The following CDCA8 variants were observed in gnomAD, a reference collection of about 807,000 sequenced individuals.
CDCA8 encodes cell division cycle associated 8, also known as borealin.
Under a neutral mutation model 40.0 loss-of-function variants are expected in CDCA8, and 25 were observed. The observed-to-expected ratio is 0.63, with a 90% CI of 0.46 to 0.87. The LOEUF (loss-of-function observed/expected upper bound fraction) is 0.87, where lower values mean the gene tolerates loss of function less well. Ranked by LOEUF, CDCA8 falls within the 40% of genes least tolerant of loss-of-function variation. The pLI, the probability that CDCA8 is intolerant of heterozygous loss-of-function variation, is 0.00. For missense variants in CDCA8, 280 were observed against 348.4 expected (o/e 0.80, Z 1.56); for synonymous variants, 111 against 126.5 (o/e 0.88, Z 0.82).
At chr1:37,698,157 T>C (rs1645539792) in intron 3 of CDCA8, among the ~76,000 whole-genome samples, 1 of 152,228 alleles carries the variant, frequency 6.6e-6, no homozygotes, top group African/African-American at 2.4e-5. Flanking sequence ...CCAAGTGTTG[T>C]AGAGGATGTA....
In CDCA8 at chr1:37,701,689, A is replaced by AAAC. The variant is rs527695278; in HGVS notation, c.424-65_424-64insAAC. The stretch of plus-strand genomic sequence containing the variant: ...TTAATGCTTTAAAAAAAAAAAAAAA[A>AAAC]CCCTCCTTACCTTCCTCTTTGCTGG... On this transcript the variant is annotated intron_variant, in intron 5 of 9. Transcript: ENST00000373055. 370 of 964,130 alleles carry AAAC rather than the reference A, an allele frequency of 3.8e-4. 1 individual carries two copies. The highest frequency in any genetic ancestry group is 4.9e-4 in the South Asian group (32 of 65,358). 59.7% of individuals were successfully genotyped at this position (964,130 alleles called of 1,614,324 possible). A position where few individuals can be genotyped will look rare whatever the true frequency, so the allele number is the denominator to read the frequency against.
At chr1:37,694,991 T>A (rs1202053061) in intron 2 of CDCA8, among the ~76,000 whole-genome samples, 2 of 152,132 alleles carry the variant, frequency 1.3e-5, no homozygotes, top group African/African-American at 4.8e-5. Flanking sequence ...TTAAACAGCT[T>A]TGAGTAGTTA....
intron 6 of CDCA8, 58 bp downstream of exon 6, chr1:37,701,876 A>C: frequency 1.5e-6 from 2 of 1,334,418 alleles, no homozygotes; most frequent in Non-Finnish European, 2.2e-6. Flanking sequence ...CATATATATC[A>C]TGGCAGAAAG....
In CDCA8 at chr1:37,709,624, T is replaced by C. The variant is rs528999379; in HGVS notation, c.*1258T>C. On this transcript the variant is annotated 3_prime_UTR_variant, in exon 10 of 10. Coordinates refer to ENST00000373055, the MANE Select transcript of CDCA8 (RefSeq NM_001256875.2). Reference sequence around the variant, plus strand: ...TTCTCCTTTCCCTGAGATTTTTGTATATATTGTTCTGAGTAATGGTATCTT... The same window carrying C: ...TTCTCCTTTCCCTGAGATTTTTGTACATATTGTTCTGAGTAATGGTATCTT... 5.9e-5 allele frequency: 9 copies of C among 152,312 alleles called. No homozygotes were observed. The highest frequency in any genetic ancestry group is 2.2e-4 in the African/African-American group (9 of 41,564). The allele number at this position is 152,312 out of a possible 1,614,324, so 9.4% of individuals were successfully genotyped here. A position where few individuals can be genotyped will look rare whatever the true frequency, so the allele number is the denominator to read the frequency against.
At chr1:37,699,222 G>A (rs910698500) in intron 4 of CDCA8, among the ~76,000 whole-genome samples, 13 of 152,034 alleles carry the variant, frequency 8.6e-5, no homozygotes, top group African/African-American at 1.5e-4. Context: ...CTCAAGACCC[G>A]TGTGCGAGCT....
Position 37,692,671 on chromosome 1 carries a change from C to T in CDCA8, c.-20C>T, listed in dbSNP as rs1645475959. 6.2e-7 allele frequency: 1 copy of T among 1,605,516 alleles called. No homozygotes were observed. The highest frequency in any genetic ancestry group is 8.5e-7 in the Non-Finnish European group (1 of 1,174,592). ...TCCCTGCCCCATCTCCGCCGCTCCC[C>T]GCAGCCTCCGCCGAGCGCCATGGCT... On this transcript the variant is annotated 5_prime_UTR_variant, in exon 1 of 10. Coordinates refer to ENST00000373055, the MANE Select transcript of CDCA8 (RefSeq NM_001256875.2).
At chr1:37,703,152 G>C in intron 6 of CDCA8, 100 bp from the exon 7 acceptor site, 2 of 903,678 alleles carry the variant, frequency 2.2e-6, no homozygotes, top group Non-Finnish European at 3.7e-6. Flanking sequence ...GAGGCGCCCG[G>C]AGCAGTATCT....
chr1:37,692,942 G>A lies in CDCA8; in HGVS notation c.132G>A (p.Gln44=). 1.1e-5 allele frequency: 17 copies of A among 1,614,116 alleles called. No individual in the cohort carries two copies. Among genetic ancestry groups the A allele is most frequent in the Non-Finnish European group, 1.4e-5 (17 of 1,180,002 alleles). Residue 44 remains glutamine (Q), a synonymous_variant, in exon 2 of 10, where the codon CAG becomes CAA. Transcript: ENST00000373055. ...IRIKQIESDR[Q]NLLKEVDNLY... is the part of the protein sequence containing the mutation. ...TCAAGCAAATTGAGTCAGACAGGCA[G>A]AACCTCCTCAAGGAGGTGGATAACC...
Position 37,692,798 on chromosome 1 carries a change from C to A in CDCA8, c.94+14C>A. The A allele has an allele frequency of 6.2e-7, 1 of 1,613,174 alleles. No individual in the cohort carries two copies. Among genetic ancestry groups the A allele is most frequent in the Non-Finnish European group, 8.5e-7 (1 of 1,179,446 alleles). ...TCGACCGTGAAGGTAAGGGGCCAGG[C>A]CGTCGCGGCCTCCTGGGGCGGTCGC... On this transcript the variant is annotated intron_variant, in intron 1 of 9. Coordinates refer to ENST00000373055, the MANE Select transcript of CDCA8 (RefSeq NM_001256875.2).
chr1:37,701,785 C>T lies in CDCA8; in HGVS notation c.455C>T (p.Thr152Ile). Reference protein sequence around the residue: ...VKRCPPSKKRTQSIQGKGKGK... With the variant: ...VKRCPPSKKRIQSIQGKGKGK... ...AGGTGTCCTCCATCCAAGAAGAGAA[C>T]TCAGTCCATACAAGGAAAAGGAAAA... Residue 152 changes from threonine to isoleucine, a missense_variant, in exon 6 of 10, where the codon ACT becomes ATT. Coordinates refer to ENST00000373055, the MANE Select transcript of CDCA8 (RefSeq NM_001256875.2). 2 of 1,612,824 alleles carry T rather than the reference C, an allele frequency of 1.2e-6. No individual in the cohort carries two copies. Among genetic ancestry groups the T allele is most frequent in the Non-Finnish European group, 1.7e-6 (2 of 1,179,500 alleles).
intron 5 of CDCA8, 103 bp downstream of exon 5, chr1:37,700,624 A>C: frequency 2.7e-6 from 2 of 735,314 alleles, no homozygotes; most frequent in Non-Finnish European, 4.9e-6. Context: ...TTTAGTAGAG[A>C]TGATCCTACT....
At chr1:37,704,717 G>C (rs912320706) in intron 7 of CDCA8, among the ~76,000 whole-genome samples, 1 of 132,220 alleles carries the variant, frequency 7.6e-6, no homozygotes, top group East Asian at 2.4e-4. Flanking sequence ...GCACAATCTC[G>C]GCTCACTGCA....
At chr1:37,705,778 C>G (rs957506797) in intron 8 of CDCA8, among the ~76,000 whole-genome samples, 1 of 147,086 alleles carries the variant, frequency 6.8e-6, no homozygotes, top group Non-Finnish European at 1.5e-5. Context: ...TTCTGTTTTT[C>G]TGTTTTTTGG....
chr1:37,705,486 G>A lies in CDCA8; in HGVS notation c.630G>A (p.Arg210=), dbSNP rs376634167. The A allele has an allele frequency of 6.2e-7, 1 of 1,613,916 alleles. No homozygotes were observed. Among genetic ancestry groups the A allele is most frequent in the African/African-American group, 1.3e-5 (1 of 74,912 alleles). The change falls in exon 8 of 10, where the codon CGG becomes CGA. Residue 210 remains arginine (R), a synonymous_variant. Transcript: ENST00000373055. The stretch of plus-strand genomic sequence containing the variant: ...TGCGTACTCCAGCAGCAGGAGAGCG[G>A]ATTTACAACATCTCAGGGAATGGCA... ...PGLRTPAAGE[R]IYNISGNGSP... is the part of the protein sequence containing the mutation.
intron 4 of CDCA8, among the ~76,000 whole-genome samples, 185 bp downstream of exon 4, chr1:37,699,162 A>G (rs984503359): frequency 3.9e-5 from 6 of 152,166 alleles, no homozygotes; most frequent in African/African-American, 1.4e-4. Context: ...CCGAACAGCA[A>G]TTCAAACCAG....
chr1:37,708,295 C>T (rs563587823), intron 9 of CDCA8, 27 bp from the exon 10 acceptor site: 1 of 1,607,668 alleles, frequency 6.2e-7, no homozygotes, highest in Admixed American at 1.7e-5. Flanking sequence ...ACATCTTCTA[C>T]AATGACCTCT....
chr1:37,699,369 C>G (rs1290655856), intron 4 of CDCA8, among the ~76,000 whole-genome samples: 1 of 152,114 alleles, frequency 6.6e-6, no homozygotes, highest in African/African-American at 2.4e-5. Context: ...CTGAGACGCT[C>G]CCTGATGTAA....
intron 8 of CDCA8, among the ~76,000 whole-genome samples, chr1:37,706,112 T>C (rs1645599927): frequency 1.4e-5 from 2 of 147,774 alleles, no homozygotes; most frequent in Admixed American, 1.3e-4. Flanking sequence ...CCCACCTTTT[T>C]TTTTTTTTTT....
In CDCA8 at chr1:37,709,083, C is replaced by T. The variant is rs1645622203; in HGVS notation, c.*717C>T. On this transcript the variant is annotated 3_prime_UTR_variant, in exon 10 of 10. Transcript: ENST00000373055. Reference sequence around the variant, plus strand: ...TTGTGGAGCAGTGTTTTATGTTTATCCCTGTTTACTGAAGACCAAATACTG... The same window carrying T: ...TTGTGGAGCAGTGTTTTATGTTTATTCCTGTTTACTGAAGACCAAATACTG... The T allele has an allele frequency of 6.6e-6, 1 of 152,318 alleles. No individual in the cohort carries two copies. The highest frequency in any genetic ancestry group is 1.5e-5 in the Non-Finnish European group (1 of 68,158). 9.4% of individuals were successfully genotyped at this position (152,318 alleles called of 1,614,324 possible).
Sources: allele counts gnomAD v4.1 joint callset (sites outside exome capture counted in the v4.1 genomes callset), GRCh38; gene constraint gnomAD v4.1.1; transcripts MANE v1.5; gene names NCBI Gene and HGNC (gene_info 2026-07-23, HGNC 2026-07-21).